Variants in ADCY6 observed in about 807,000 individuals in gnomAD.
ADCY6 encodes adenylate cyclase type 6.
ADCY6 carries 59 observed loss-of-function variants against 111.6 expected under a neutral mutation model. The observed-to-expected ratio is 0.53, with a 90% CI of 0.43 to 0.66. The LOEUF is 0.66. Ranked by LOEUF, ADCY6 falls within the 30% of genes least tolerant of loss-of-function variation. The pLI is 0.00. For missense variants in ADCY6, 1,242 were observed against 1,595.6 expected (o/e 0.78, Z 3.78); for synonymous variants, 576 against 642.9 (o/e 0.90, Z 1.57).
chr12:48,772,349 C>T lies in ADCY6; in HGVS notation c.2733G>A (p.Leu911=), dbSNP rs1442623592. 8 of 1,614,044 alleles carry T rather than the reference C, an allele frequency of 5.0e-6. No homozygotes were observed. In the African/African-American group the frequency reaches 9.3e-5, roughly 19 times the overall value. ...ILLVFALALY[L]HAQQVESTAR... is the part of the protein sequence containing the mutation. ...CAGTCGACTCCACCTGCTGAGCATG[C>T]AGATACAGCGCCAGCGCAAACACCA... Residue 911 remains leucine (L), a synonymous_variant, in exon 18 of 22, where the codon CTG becomes CTA. Transcript: ENST00000357869.
rs1425914246 is a variant in ADCY6 at position 48,774,077 on chromosome 12, T to A, written c.2305A>T (p.Ile769Leu). Residue 769 changes from isoleucine to leucine, a missense_variant, in exon 15 of 22, where the codon ATA becomes TTA. Ile to Leu is a conservative substitution (Grantham distance 5). This residue lies in a region of ADCY6 where 375 missense variants were observed against 432.5 expected (regional missense o/e 0.87). Coordinates refer to ENST00000357869, the MANE Select transcript of ADCY6 (RefSeq NM_015270.5). ...ANMFTCNHTP[I>L]RSCAARMLNL... The stretch of plus-strand genomic sequence containing the variant: ...AGCATCCGGGCTGCACAGCTCCGTA[T>A]GGGGGTGTGGTTACAGGTGAACTGC... 1.2e-6 allele frequency: 2 copies of A among 1,610,266 alleles called. No homozygotes were observed. The highest frequency in any genetic ancestry group is 2.2e-5 in the South Asian group (2 of 90,362).
intron 9 of ADCY6, 79 bp from the exon 10 acceptor site, chr12:48,775,777 A>G (rs1253371813): frequency 6.4e-7 from 1 of 1,552,476 alleles, no homozygotes; most frequent in African/African-American, 1.4e-5. Context: ...CCACCCCAAC[A>G]CTGTGCTGAG....
At position 48,768,922 on chromosome 12, in the gene ADCY6, T is replaced by A; in HGVS notation, c.3381+15A>T. 6.3e-7 allele frequency: 1 copy of A among 1,599,734 alleles called. No individual in the cohort carries two copies. Among genetic ancestry groups the A allele is most frequent in the Non-Finnish European group, 8.5e-7 (1 of 1,173,046 alleles). On this transcript the variant is annotated intron_variant, in intron 21 of 21. Transcript: ENST00000357869. ...GGCCCATGTTCCTCCCAGCCCCTGC[T>A]CATATCCCCCTCACCTGGATTCGGT... is the stretch of plus-strand genomic sequence containing the variant.
At chr12:48,770,668 C>A in intron 20 of ADCY6, 98 bp downstream of exon 20, 1 of 1,251,022 alleles carries the variant, frequency 8.0e-7, no homozygotes, top group Non-Finnish European at 1.1e-6. Context: ...CCCACAGGAG[C>A]CCTGATGGGA....
Position 48,777,105 on chromosome 12 carries a change from A to C in ADCY6, c.1375T>G (p.Ser459Ala). Reference protein sequence around the residue: ...EMGVDMIEAISLVREVTGVNV... With the variant: ...EMGVDMIEAIALVREVTGVNV... ...GCCTAGGAATGGGGCACTGCTTACG[A>C]GATGGCCTCAATCATGTCTACCCCC... The change falls in exon 6 of 22, where the codon TCG becomes GCG. Residue 459 changes from serine (S) to alanine (A), a missense_variant and splice_region_variant. By Grantham distance (99) the Ser-to-Ala change is moderately conservative. Coordinates refer to ENST00000357869, the MANE Select transcript of ADCY6 (RefSeq NM_015270.5). This position sits in a 1 kb window ranked among gnomAD's most constrained non-coding sequence, Gnocchi z 4.9. 6.3e-7 allele frequency: 1 copy of C among 1,599,604 alleles called. No homozygotes were observed.
chr12:48,787,287 A>G (rs906413857), intron 1 of ADCY6, among the ~76,000 whole-genome samples: 1 of 149,300 alleles, frequency 6.7e-6, no homozygotes, highest in Non-Finnish European at 1.5e-5. Flanking sequence ...CCTGTTCCCA[A>G]AGGACTAGTT....
Position 48,772,166 on chromosome 12 carries a change from G to A in ADCY6, c.2787+129C>T, listed in dbSNP as rs1200242459. The A allele has an allele frequency of 4.2e-6, 6 of 1,436,120 alleles. No homozygotes were observed. In the East Asian group the frequency reaches 9.2e-5, roughly 22 times the overall value. 89.0% of individuals were successfully genotyped at this position (1,436,120 alleles called of 1,614,324 possible). A position where few individuals can be genotyped will look rare whatever the true frequency, so the allele number is the denominator to read the frequency against. On this transcript the variant is annotated intron_variant, in intron 18 of 21. Transcript: ENST00000357869. ...GCAGGGAGTAAGGGATGGGCACAGAGAAGGAATGGAACCAGGGTGGGCCTA... is the reference window on the plus strand; with the variant it reads ...GCAGGGAGTAAGGGATGGGCACAGAAAAGGAATGGAACCAGGGTGGGCCTA...
At position 48,771,088 on chromosome 12, in the gene ADCY6, C is replaced by T. The variant is rs1941528133; in HGVS notation, c.3052-118G>A. 3 of 993,276 alleles carry T rather than the reference C, an allele frequency of 3.0e-6. No individual in the cohort carries two copies. Among genetic ancestry groups the T allele is most frequent in the Admixed American group, 2.2e-5 (1 of 45,756 alleles). The allele number at this position is 993,276 out of a possible 1,614,324, so 61.5% of individuals were successfully genotyped here. On this transcript the variant is annotated intron_variant, in intron 19 of 21. Coordinates refer to ENST00000357869, the MANE Select transcript of ADCY6 (RefSeq NM_015270.5). This position sits in a 1 kb window ranked among gnomAD's most constrained non-coding sequence, Gnocchi z 4.3. Reference sequence around the variant, plus strand: ...CCCCACTTCCCTGTCTCAAGAGCCCCCTTCCAGCTGCTGCTATCAGTGTAA... The same window carrying T: ...CCCCACTTCCCTGTCTCAAGAGCCCTCTTCCAGCTGCTGCTATCAGTGTAA...
At chr12:48,775,789 G>C in intron 9 of ADCY6, 91 bp from the exon 10 acceptor site, 4 of 1,540,010 alleles carry the variant, frequency 2.6e-6, no homozygotes, top group Non-Finnish European at 3.5e-6. Context: ...TGTGCTGAGG[G>C]TGTCCCCGTC....
At chr12:48,772,212 C>T (rs1301380268) in intron 18 of ADCY6, 83 bp downstream of exon 18, 2 of 1,523,432 alleles carry the variant, frequency 1.3e-6, no homozygotes, top group African/African-American at 2.8e-5. Flanking sequence ...GAGCCTTAGC[C>T]AGCTAGCACA....
At position 48,773,584 on chromosome 12, in the gene ADCY6, T is replaced by C. The variant is rs567783942; in HGVS notation, c.2506A>G (p.Ile836Val). 31 of 1,614,134 alleles carry C rather than the reference T, an allele frequency of 1.9e-5. No homozygotes were observed. In the Middle Eastern group the frequency reaches 5.0e-4, roughly 26 times the overall value. The change falls in exon 16 of 22, where the codon ATC becomes GTC. Residue 836 changes from isoleucine (I) to valine (V), a missense_variant. Ile to Val is a conservative substitution (Grantham distance 29). This residue lies in a region of ADCY6 where 375 missense variants were observed against 432.5 expected (regional missense o/e 0.87). Coordinates refer to ENST00000357869, the MANE Select transcript of ADCY6 (RefSeq NM_015270.5). ...ASSVFLHISS[I>V]GKLAMIFVLG... Reference sequence around the variant, plus strand: ...ACAAAGATCATGGCCAACTTCCCGATGCTGCTGATGTGCAGGAAGACAGAG... The same window carrying C: ...ACAAAGATCATGGCCAACTTCCCGACGCTGCTGATGTGCAGGAAGACAGAG...
intron 1 of ADCY6, among the ~76,000 whole-genome samples, chr12:48,784,343 A>C (rs1433698767): frequency 6.6e-6 from 1 of 151,680 alleles, no homozygotes; most frequent in Non-Finnish European, 1.5e-5. Flanking sequence ...ATAAAATAAA[A>C]TACAAAGAAA....
Position 48,768,449 on chromosome 12 carries a change from A to C in ADCY6, c.*142T>G, listed in dbSNP as rs1941432871. 1 of 1,248,966 alleles carries C rather than the reference A, an allele frequency of 8.0e-7. No individual in the cohort carries two copies. The highest frequency in any genetic ancestry group is 1.5e-5 in the African/African-American group (1 of 67,846). The allele number at this position is 1,248,966 out of a possible 1,614,324, so 77.4% of individuals were successfully genotyped here. Reference sequence around the variant, plus strand: ...CTTGAGGGCAGACGAGCATGATCCAAGCACAGCCTGCTGGGATGTTCCCTT... The same window carrying C: ...CTTGAGGGCAGACGAGCATGATCCACGCACAGCCTGCTGGGATGTTCCCTT... On this transcript the variant is annotated 3_prime_UTR_variant, in exon 22 of 22. Coordinates refer to ENST00000357869, the MANE Select transcript of ADCY6 (RefSeq NM_015270.5).
chr12:48,774,513 G>A lies in ADCY6; in HGVS notation c.2172C>T (p.Phe724=). ...ICAVYSCGSL[F]PKALQRLSRS... is the part of the protein sequence containing the mutation. Reference sequence around the variant, plus strand: ...GGGACAGACGTTGCAGGGCCTTAGGGAACAGCTAGAGGCATCAAGAGACCA... The same window carrying A: ...GGGACAGACGTTGCAGGGCCTTAGGAAACAGCTAGAGGCATCAAGAGACCA... Residue 724 remains phenylalanine, a synonymous_variant, in exon 14 of 22, where the codon TTC becomes TTT. Transcript: ENST00000357869. 6.2e-7 allele frequency: 1 copy of A among 1,613,700 alleles called. No homozygotes were observed. Among genetic ancestry groups the A allele is most frequent in the Non-Finnish European group, 8.5e-7 (1 of 1,179,710 alleles).
chr12:48,771,580 T>G lies in ADCY6; in HGVS notation c.3051+130A>C. On this transcript the variant is annotated intron_variant, in intron 19 of 21. Coordinates refer to ENST00000357869, the MANE Select transcript of ADCY6 (RefSeq NM_015270.5). The surrounding 1 kb of genome is among the most constrained non-coding windows in gnomAD (Gnocchi z 4.3). ...TTCTTGCCTCTGCCTCCACTGTGCA[T>G]ACCCTTACCCCTGATGACTCTGGGT... The G allele has an allele frequency of 6.8e-7, 1 of 1,463,376 alleles. No homozygotes were observed. Among genetic ancestry groups the G allele is most frequent in the Non-Finnish European group, 9.4e-7 (1 of 1,058,410 alleles). 90.6% of individuals were successfully genotyped at this position (1,463,376 alleles called of 1,614,324 possible).
chr12:48,773,773 CA>C, intron 15 of ADCY6, 126 bp from the exon 16 acceptor site: 2 of 1,446,026 alleles, frequency 1.4e-6, no homozygotes. Flanking sequence ...CCATATCCTC[CA>C]CCTTCCATGC....
At chr12:48,787,476 G>A (rs1025178464) in intron 1 of ADCY6, among the ~76,000 whole-genome samples, 4 of 152,116 alleles carry the variant, frequency 2.6e-5, no homozygotes, top group Non-Finnish European at 5.9e-5. Context: ...TCCCACCCTG[G>A]GCTCCACTCC....
intron 21 of ADCY6, 39 bp downstream of exon 21, chr12:48,768,898 G>A: frequency 6.3e-7 from 1 of 1,583,764 alleles, no homozygotes. Flanking sequence ...AGCCCTCCGG[G>A]CCCATGTTCC....
At chr12:48,778,556 T>A (rs1941766610) in intron 2 of ADCY6, 2 of 387,236 alleles carry the variant, frequency 5.2e-6, no homozygotes. Flanking sequence ...GCACCCTGTA[T>A]CTCCTGCTCC....
Sources: allele counts gnomAD v4.1 joint callset (sites outside exome capture counted in the v4.1 genomes callset), GRCh38; gene constraint gnomAD v4.1.1; regional missense constraint gnomAD v4.1.1; non-coding constraint Gnocchi (gnomAD v3.1); transcripts MANE v1.5; gene names NCBI Gene and HGNC (gene_info 2026-07-23, HGNC 2026-07-21).